The following UGT8 variants were observed in gnomAD, a reference collection of about 807,000 sequenced individuals.
UGT8 encodes the protein 2-hydroxyacylsphingosine 1-beta-galactosyltransferase.
In UGT8, 12 loss-of-function variants were observed where a neutral mutation model predicts 40.5. The ratio of observed to expected loss-of-function variants is 0.30; its 90% CI spans 0.19 to 0.48. The LOEUF (loss-of-function observed/expected upper bound fraction) is 0.48. Among genes scored for constraint, UGT8 ranks in the 20% least tolerant of loss-of-function variants. The pLI is 0.99. For synonymous variants in UGT8, 224 were observed against 240.4 expected (o/e 0.93, Z 0.63); for missense variants, 513 against 648.7 (o/e 0.79, Z 2.27).
At chr4:114,626,221 A>G (rs1017038441) in intron 2 of UGT8, among the ~76,000 whole-genome samples, 2 of 152,184 alleles carry the variant, frequency 1.3e-5, no homozygotes, top group East Asian at 1.9e-4. Flanking sequence ...AGATTTTTCT[A>G]GTAGATTTAT....
chr4:114,655,613 A>AT (rs561448829), intron 2 of UGT8, among the ~76,000 whole-genome samples: 191 of 151,916 alleles, frequency 1.3e-3, no homozygotes, highest in African/African-American at 4.3e-3. Flanking sequence ...GTTCAAAGTT[A>AT]TTTTTTTTAC....
chr4:114,631,886 A>G (rs1732601275), intron 2 of UGT8, among the ~76,000 whole-genome samples: 3 of 152,256 alleles, frequency 2.0e-5, no homozygotes, highest in African/African-American at 7.2e-5. Context: ...CAAGAACTAG[A>G]AAAGCCCTGG....
chr4:114,652,422 G>A (rs968018825), intron 2 of UGT8, among the ~76,000 whole-genome samples: 13 of 151,218 alleles, frequency 8.6e-5, no homozygotes, highest in African/African-American at 2.7e-4. Context: ...AGTAACTAGT[G>A]TAGAGAACTT....
At chr4:114,671,226 A>T (rs1234477711) in intron 5 of UGT8, among the ~76,000 whole-genome samples, 1 of 152,206 alleles carries the variant, frequency 6.6e-6, no homozygotes, top group Non-Finnish European at 1.5e-5. Context: ...AAATGGCTAT[A>T]CTGCCCAAAG....
In UGT8 at chr4:114,632,947, G is replaced by A. The variant is rs1257223710; in HGVS notation, c.822+9245G>A. Among the ~76,000 whole-genome samples, 19 of 152,152 alleles carry A rather than the reference G, an allele frequency of 1.2e-4. 1 individual carries two copies. The highest frequency in any genetic ancestry group is 1.2e-3 in the Admixed American group (19 of 15,278). On this transcript the variant is annotated intron_variant, in intron 2 of 5. Transcript: ENST00000310836. ...CAGTGAAAAGCAACTTAATTGACTT[G>A]ATAAATATTGTTAAAACCTTGGGGC...
At chr4:114,663,194 C>T (rs1734658190) in intron 2 of UGT8, among the ~76,000 whole-genome samples, 1 of 152,086 alleles carries the variant, frequency 6.6e-6, no homozygotes, top group Non-Finnish European at 1.5e-5. Context: ...GTGCCAAATG[C>T]AGAAGCATGG....
At chr4:114,662,539 A>G (rs1432175128) in intron 2 of UGT8, among the ~76,000 whole-genome samples, 4 of 152,308 alleles carry the variant, frequency 2.6e-5, no homozygotes, top group African/African-American at 9.6e-5. Context: ...TTTCTTCCCT[A>G]CCAGATAATG....
chr4:114,667,085 G>A (rs1734931959), intron 4 of UGT8, among the ~76,000 whole-genome samples: 1 of 152,036 alleles, frequency 6.6e-6, no homozygotes, highest in South Asian at 2.1e-4. Context: ...CCACTTCTAG[G>A]GCAGATCCTT....
intron 2 of UGT8, among the ~76,000 whole-genome samples, chr4:114,649,220 A>G (rs993768345): frequency 6.6e-6 from 1 of 152,162 alleles, no homozygotes; most frequent in African/African-American, 2.4e-5. Flanking sequence ...GTATTATACT[A>G]ATAATTTACA....
intron 1 of UGT8, among the ~76,000 whole-genome samples, chr4:114,619,693 A>T (rs1483153843): frequency 6.6e-6 from 1 of 151,932 alleles, no homozygotes. Context: ...AATGAATGAC[A>T]GTGTATTTAA....
At chr4:114,630,328 G>C (rs564427729) in intron 2 of UGT8, among the ~76,000 whole-genome samples, 1 of 152,294 alleles carries the variant, frequency 6.6e-6, no homozygotes, top group Admixed American at 6.5e-5. Context: ...TTGGTTAAAG[G>C]AATCAGCCTA....
intron 2 of UGT8, among the ~76,000 whole-genome samples, chr4:114,644,798 G>T (rs1324957511): frequency 6.6e-6 from 1 of 152,048 alleles, no homozygotes; most frequent in Non-Finnish European, 1.5e-5. Flanking sequence ...GGTGTGTTGA[G>T]CATGGAGTTG....
At chr4:114,652,934 A>G (rs1418327844) in intron 2 of UGT8, among the ~76,000 whole-genome samples, 2 of 152,074 alleles carry the variant, frequency 1.3e-5, no homozygotes. Flanking sequence ...ATGGAAGAGT[A>G]CACAGTCTAG....
chr4:114,627,216 AG>A, intron 2 of UGT8, among the ~76,000 whole-genome samples: 1 of 152,080 alleles, frequency 6.6e-6, no homozygotes, highest in Non-Finnish European at 1.5e-5. Context: ...GCTTTGATCA[AG>A]AAGGAGGTCT....
At chr4:114,631,161 A>C (rs776251388) in intron 2 of UGT8, among the ~76,000 whole-genome samples, 1 of 152,190 alleles carries the variant, frequency 6.6e-6, no homozygotes, top group Non-Finnish European at 1.5e-5. Context: ...AGGTTGGTGC[A>C]AAAGTAATTG....
chr4:114,639,105 A>T (rs1733058707), intron 2 of UGT8, among the ~76,000 whole-genome samples: 1 of 152,196 alleles, frequency 6.6e-6, no homozygotes, highest in East Asian at 1.9e-4. Context: ...GCCCTCAAAG[A>T]TCTTTCAGGC....
intron 5 of UGT8, 107 bp from the exon 6 acceptor site, chr4:114,675,818 C>A: frequency 3.4e-6 from 4 of 1,185,542 alleles, no homozygotes; most frequent in South Asian, 1.6e-5. Flanking sequence ...AAGGTACTTA[C>A]TAAAGAATAG....
At chr4:114,671,120 T>TC (rs1016266452) in intron 5 of UGT8, among the ~76,000 whole-genome samples, 25 of 152,254 alleles carry the variant, frequency 1.6e-4, no homozygotes, top group African/African-American at 5.8e-4. Context: ...AAGGACCTCT[T>TC]CAAGGAGAAC....
chr4:114,632,522 G>T (rs988170884), intron 2 of UGT8, among the ~76,000 whole-genome samples: 1 of 152,122 alleles, frequency 6.6e-6, no homozygotes, highest in African/African-American at 2.4e-5. Flanking sequence ...ACTTTACAAA[G>T]TAAGCTGACT....
Sources: allele counts gnomAD v4.1 joint callset (sites outside exome capture counted in the v4.1 genomes callset), GRCh38; gene constraint gnomAD v4.1.1; transcripts MANE v1.5; gene names NCBI Gene and HGNC (gene_info 2026-07-23, HGNC 2026-07-21).